The following GNG12 variants were observed in gnomAD, a reference collection of about 807,000 sequenced individuals.
GNG12 encodes guanine nucleotide-binding protein G(I)/G(S)/G(O) subunit gamma-12.
For synonymous variants in GNG12, 28 were observed against 29.7 expected (o/e 0.94, Z 0.19); for missense variants, 69 against 83.8 (o/e 0.82, Z 0.69).
At chr1:67,778,812 C>G (rs12092922) in intron 1 of GNG12, among the ~76,000 whole-genome samples, 2,596 of 152,238 alleles carry the variant, frequency 0.017, 62 homozygotes, top group African/African-American at 0.049. Context: ...AAGATAATTA[C>G]TTTCAGTTTT....
At chr1:67,729,447 G>C (rs755977527) in intron 2 of GNG12, among the ~76,000 whole-genome samples, 4 of 152,136 alleles carry the variant, frequency 2.6e-5, no homozygotes, top group Admixed American at 1.3e-4. Flanking sequence ...CAAAACTTTA[G>C]TTCTGTTTCT....
chr1:67,760,640 T>A (rs1026318447), intron 2 of GNG12, among the ~76,000 whole-genome samples: 1 of 152,230 alleles, frequency 6.6e-6, no homozygotes, highest in Non-Finnish European at 1.5e-5. Context: ...GTGGAAATAC[T>A]GAACCTTAGT....
chr1:67,706,803 G>A (rs1646251516), intron 3 of GNG12, among the ~76,000 whole-genome samples: 1 of 151,964 alleles, frequency 6.6e-6, no homozygotes, highest in Non-Finnish European at 1.5e-5. Flanking sequence ...TTATAGGCGT[G>A]CGCACGCCAC....
chr1:67,789,233 C>T (rs72924711), intron 1 of GNG12, among the ~76,000 whole-genome samples: 3,456 of 152,218 alleles, frequency 0.023, 142 homozygotes, highest in African/African-American at 0.079. Context: ...GCTCAGGAAA[C>T]GTCATCCAGG....
chr1:67,761,962 C>T (rs1646608035), intron 2 of GNG12, among the ~76,000 whole-genome samples: 1 of 152,178 alleles, frequency 6.6e-6, no homozygotes, highest in East Asian at 1.9e-4. Flanking sequence ...GGAAAGCAGA[C>T]CCAGTGGGAC....
chr1:67,792,559 T>C (rs1646807561), intron 1 of GNG12, among the ~76,000 whole-genome samples: 1 of 152,216 alleles, frequency 6.6e-6, no homozygotes. Context: ...CTGTAGTCTT[T>C]TGCCTCTAAC....
intron 2 of GNG12, among the ~76,000 whole-genome samples, chr1:67,711,620 C>G (rs1646296394): frequency 6.6e-6 from 1 of 152,106 alleles, no homozygotes; most frequent in Admixed American, 6.5e-5. Context: ...AGTCTCCCCT[C>G]TTGGGATCCG....
At chr1:67,776,317 T>C (rs752159876) in intron 2 of GNG12, among the ~76,000 whole-genome samples, 28 of 152,312 alleles carry the variant, frequency 1.8e-4, no homozygotes, top group Non-Finnish European at 1.5e-4. Flanking sequence ...GCTGTTTCCA[T>C]GTGCCCCATA....
intron 2 of GNG12, among the ~76,000 whole-genome samples, chr1:67,757,975 T>A (rs1646579640): frequency 1.3e-5 from 2 of 151,834 alleles, no homozygotes; most frequent in South Asian, 4.2e-4. Flanking sequence ...TTGGGTTTCC[T>A]TTTTTGTTTT....
At chr1:67,779,308 C>T (rs947464117) in intron 1 of GNG12, among the ~76,000 whole-genome samples, 3 of 152,240 alleles carry the variant, frequency 2.0e-5, no homozygotes, top group Admixed American at 6.5e-5. Context: ...ATCACAGAGA[C>T]GGAGGCTGGT....
At chr1:67,795,733 T>G (rs551331863) in intron 1 of GNG12, among the ~76,000 whole-genome samples, 2 of 152,288 alleles carry the variant, frequency 1.3e-5, no homozygotes, top group South Asian at 4.2e-4. Flanking sequence ...GGATGAAAAG[T>G]TGAACCAATG....
At chr1:67,758,724 A>T (rs1433043150) in intron 2 of GNG12, among the ~76,000 whole-genome samples, 1 of 152,246 alleles carries the variant, frequency 6.6e-6, no homozygotes, top group African/African-American at 2.4e-5. Flanking sequence ...AAATCAGCTA[A>T]GATGCTCCCT....
chr1:67,706,145 C>T (rs963645636), intron 3 of GNG12, among the ~76,000 whole-genome samples: 6 of 152,030 alleles, frequency 3.9e-5, no homozygotes, highest in African/African-American at 7.3e-5. Flanking sequence ...TCCTGGTAAA[C>T]GGTTTATAAA....
chr1:67,742,723 A>G (rs1646489441), intron 2 of GNG12, among the ~76,000 whole-genome samples: 1 of 152,226 alleles, frequency 6.6e-6, no homozygotes, highest in Non-Finnish European at 1.5e-5. Context: ...GGCAAATTAT[A>G]CCACTTGACT....
chr1:67,809,401 C>T (rs1050266271), intron 1 of GNG12, among the ~76,000 whole-genome samples: 7 of 152,064 alleles, frequency 4.6e-5, no homozygotes, highest in South Asian at 2.1e-4. Flanking sequence ...ACATACAACA[C>T]CAAAGGCATG....
At chr1:67,790,172 T>C (rs147124618) in intron 1 of GNG12, among the ~76,000 whole-genome samples, 63 of 152,270 alleles carry the variant, frequency 4.1e-4, no homozygotes, top group African/African-American at 1.4e-3. Context: ...AAAACCAGCA[T>C]ATCCAGTACA....
chr1:67,771,107 T>G (rs1325168394), intron 2 of GNG12, among the ~76,000 whole-genome samples: 1 of 152,138 alleles, frequency 6.6e-6, no homozygotes, highest in Non-Finnish European at 1.5e-5. Flanking sequence ...CCTGATCAAG[T>G]TATTATCAGG....
At chr1:67,767,369 CCG>C (rs1460986524) in intron 2 of GNG12, among the ~76,000 whole-genome samples, 1 of 152,164 alleles carries the variant, frequency 6.6e-6, no homozygotes, top group African/African-American at 2.4e-5. Context: ...GAGACAGATA[CCG>C]AGGTGGAGCT....
chr1:67,765,121 G>A (rs141448919), intron 2 of GNG12, among the ~76,000 whole-genome samples: 88 of 152,166 alleles, frequency 5.8e-4, no homozygotes, highest in Admixed American at 1.1e-3. Context: ...GTCATTAGAT[G>A]CCCCTGTCAA....
Sources: allele counts gnomAD v4.1 joint callset (sites outside exome capture counted in the v4.1 genomes callset), GRCh38; gene constraint gnomAD v4.1.1; transcripts MANE v1.5; gene names NCBI Gene and HGNC (gene_info 2026-07-23, HGNC 2026-07-21).